CDKAL1: variants seen among roughly 807,000 people sequenced by gnomAD.
The protein encoded by CDKAL1 is CDKAL1 threonylcarbamoyladenosine tRNA methylthiotransferase.
Under a neutral mutation model 68.2 loss-of-function variants are expected in CDKAL1, and 32 were observed. That is an observed-to-expected ratio of 0.47 (90% CI 0.35 to 0.63). The LOEUF (loss-of-function observed/expected upper bound fraction) is 0.63. Ranked by LOEUF, CDKAL1 falls within the 30% of genes least tolerant of loss-of-function variation. The pLI is 0.00. For missense variants in CDKAL1, 606 were observed against 696.7 expected (o/e 0.87, Z 1.47); for synonymous variants, 234 against 244.3 (o/e 0.96, Z 0.39).
At chr6:20,761,236 C>T (rs114199855) in intron 7 of CDKAL1, among the ~76,000 whole-genome samples, 13 of 152,302 alleles carry the variant, frequency 8.5e-5, no homozygotes, top group African/African-American at 3.1e-4. Flanking sequence ...TAAAACTATA[C>T]ACCTGGTACA....
At chr6:20,873,151 G>A (rs1581738535) in intron 9 of CDKAL1, among the ~76,000 whole-genome samples, 1 of 152,060 alleles carries the variant, frequency 6.6e-6, no homozygotes, top group Non-Finnish European at 1.5e-5. Flanking sequence ...AGCTGAAGAG[G>A]GGACATGAGG....
chr6:21,168,813 T>C (rs1053269760), intron 13 of CDKAL1, among the ~76,000 whole-genome samples: 3 of 152,242 alleles, frequency 2.0e-5, no homozygotes, highest in Non-Finnish European at 4.4e-5. Flanking sequence ...TTTTCTGTAT[T>C]TTTGTCTTGC....
chr6:20,739,241 TG>T (rs2067280274), intron 5 of CDKAL1, among the ~76,000 whole-genome samples: 1 of 152,062 alleles, frequency 6.6e-6, no homozygotes, highest in South Asian at 2.1e-4. Flanking sequence ...TTCATATCCT[TG>T]GGAATAAAGT....
intron 13 of CDKAL1, among the ~76,000 whole-genome samples, chr6:21,111,471 T>C (rs1562040253): frequency 1.3e-5 from 2 of 152,344 alleles, no homozygotes; most frequent in East Asian, 3.9e-4. Context: ...TTGTATTTGC[T>C]CTTCTTTCCT....
At chr6:21,008,981 A>G (rs947501374) in intron 11 of CDKAL1, among the ~76,000 whole-genome samples, 1 of 152,214 alleles carries the variant, frequency 6.6e-6, no homozygotes, top group African/African-American at 2.4e-5. Context: ...CCGCTGGCTA[A>G]TAGCTAAGAA....
chr6:20,756,907 C>T (rs1023130672), intron 6 of CDKAL1: 41 of 66,110 alleles, frequency 6.2e-4, no homozygotes, highest in African/African-American at 1.7e-3. Context: ...TTCCTTCCTT[C>T]CTTCCTTCCT....
At chr6:20,917,531 G>C (rs1307131976) in intron 9 of CDKAL1, among the ~76,000 whole-genome samples, 1 of 151,968 alleles carries the variant, frequency 6.6e-6, no homozygotes, top group African/African-American at 2.4e-5. Flanking sequence ...TTTTATTTCA[G>C]TAGGTTTCTG....
rs1777622166 is a variant in CDKAL1 at position 20,829,369 on chromosome 6, T to C, written c.639-16706T>C. On this transcript the variant is annotated intron_variant, in intron 8 of 15. Transcript: ENST00000274695. ...TTTTCTTGAGAATCAGTCGTTAGAT[T>C]TCATTAAACCTCAGAGTGAACTACT... is the stretch of plus-strand genomic sequence containing the variant. 1.3e-5 allele frequency among the ~76,000 whole-genome samples: 2 copies of C among 152,228 alleles called. 1 individual carries two copies. Among genetic ancestry groups the C allele is most frequent in the Admixed American group, 1.3e-4 (2 of 15,274 alleles).
intron 6 of CDKAL1, among the ~76,000 whole-genome samples, chr6:20,751,350 A>G (rs1171548171): frequency 1.3e-5 from 2 of 152,192 alleles, no homozygotes; most frequent in Non-Finnish European, 2.9e-5. Context: ...GCCATTCCCT[A>G]AAGCTGCACT....
intron 15 of CDKAL1, among the ~76,000 whole-genome samples, chr6:21,212,020 T>C (rs1418288550): frequency 1.3e-5 from 2 of 152,068 alleles, no homozygotes; most frequent in Non-Finnish European, 2.9e-5. Flanking sequence ...CTCAGCCTCT[T>C]AGAGTGCTGG....
At chr6:21,028,898 C>T (rs1270151360) in intron 11 of CDKAL1, among the ~76,000 whole-genome samples, 1 of 152,172 alleles carries the variant, frequency 6.6e-6, no homozygotes, top group Non-Finnish European at 1.5e-5. Context: ...AAGCAAACAT[C>T]ACATCTTTGA....
At chr6:21,056,357 T>C (rs1430221790) in intron 11 of CDKAL1, among the ~76,000 whole-genome samples, 1 of 152,184 alleles carries the variant, frequency 6.6e-6, no homozygotes, top group Admixed American at 6.5e-5. Context: ...TGCTTGTGAT[T>C]TTTGCACCTT....
intron 7 of CDKAL1, among the ~76,000 whole-genome samples, chr6:20,778,629 C>T (rs1320698514): frequency 1.3e-5 from 2 of 152,120 alleles, no homozygotes; most frequent in Non-Finnish European, 2.9e-5. Flanking sequence ...TAGTTCCAGT[C>T]TGAGTTCAAA....
At chr6:21,007,390 G>A (rs1003191985) in intron 11 of CDKAL1, among the ~76,000 whole-genome samples, 2 of 149,398 alleles carry the variant, frequency 1.3e-5, no homozygotes, top group Admixed American at 6.8e-5. Context: ...AGCTACTTGG[G>A]AGGCTGAGGT....
intron 13 of CDKAL1, among the ~76,000 whole-genome samples, chr6:21,126,030 G>T (rs997707928): frequency 2.0e-4 from 30 of 152,280 alleles, no homozygotes; most frequent in Middle Eastern, 3.4e-3. Context: ...AAAGAAAGAG[G>T]GTGATGTTTT....
chr6:20,635,474 GT>G (rs1241881592), intron 4 of CDKAL1, among the ~76,000 whole-genome samples: 2 of 129,366 alleles, frequency 1.5e-5, no homozygotes, highest in African/African-American at 3.5e-5. Flanking sequence ...GACCAGAAGT[GT>G]TTTTGATTTT....
intron 4 of CDKAL1, among the ~76,000 whole-genome samples, chr6:20,568,037 G>T (rs1288358891): frequency 3.9e-5 from 6 of 152,050 alleles, no homozygotes; most frequent in African/African-American, 1.4e-4. Context: ...CACCACGCCC[G>T]GCTAATTTTT....
At chr6:20,613,192 T>A (rs1325972561) in intron 4 of CDKAL1, among the ~76,000 whole-genome samples, 1 of 150,900 alleles carries the variant, frequency 6.6e-6, no homozygotes, top group East Asian at 1.9e-4. Context: ...CAGAAGTAAT[T>A]GCAGCTAATA....
chr6:20,560,864 A>G (rs1764238225), intron 4 of CDKAL1, among the ~76,000 whole-genome samples: 1 of 152,152 alleles, frequency 6.6e-6, no homozygotes, highest in Non-Finnish European at 1.5e-5. Context: ...CCATGTATAC[A>G]TTATTTTTAT....
Sources: allele counts gnomAD v4.1 joint callset (sites outside exome capture counted in the v4.1 genomes callset), GRCh38; gene constraint gnomAD v4.1.1; transcripts MANE v1.5; gene names NCBI Gene and HGNC (gene_info 2026-07-23, HGNC 2026-07-21).